The following ST3GAL1 variants were observed in gnomAD, a reference collection of about 807,000 sequenced individuals.
The protein encoded by ST3GAL1 is ST3 beta-galactoside alpha-2,3-sialyltransferase 1.
ST3GAL1 carries 16 observed loss-of-function variants against 34.1 expected under a neutral mutation model. The observed-to-expected ratio is 0.47, with a 90% CI of 0.32 to 0.71. ST3GAL1 has a LOEUF of 0.71. Among genes scored for constraint, ST3GAL1 ranks in the 30% least tolerant of loss-of-function variants. The pLI is 0.04. For missense variants in ST3GAL1, 353 were observed against 447.4 expected (o/e 0.79, Z 1.90); for synonymous variants, 191 against 184.7 (o/e 1.03, Z -0.28).
chr8:133,484,021 C>T (rs766104405), intron 3 of ST3GAL1, among the ~76,000 whole-genome samples: 3 of 152,228 alleles, frequency 2.0e-5, no homozygotes, highest in Non-Finnish European at 2.9e-5. Context: ...CACCTCACAA[C>T]CTCCGACTGC....
chr8:133,528,997 T>C (rs751374080), intron 2 of ST3GAL1, among the ~76,000 whole-genome samples: 1 of 152,234 alleles, frequency 6.6e-6, no homozygotes, highest in African/African-American at 2.4e-5. Context: ...AATCAGCCTG[T>C]GCTAAGACAC....
At position 133,570,177 on chromosome 8, in the gene ST3GAL1, C is replaced by G. The variant is rs1213901064; in HGVS notation, c.-582+1516G>C. ...GTCTCTTCCTCTCACCACACACACC[C>G]AGCCGCAGAGCGGGGGTGGGCGCTC... is the stretch of plus-strand genomic sequence containing the variant. On this transcript the variant is annotated intron_variant, in intron 1 of 9. Transcript: ENST00000522652. The surrounding 1 kb of genome is among the most constrained non-coding windows in gnomAD (Gnocchi z 5.6). 1 of 152,278 alleles carries G rather than the reference C, an allele frequency of 6.6e-6. No individual in the cohort carries two copies. Among genetic ancestry groups the G allele is most frequent in the Non-Finnish European group, 1.5e-5 (1 of 68,070 alleles). 9.4% of individuals were successfully genotyped at this position (152,278 alleles called of 1,614,324 possible).
chr8:133,515,620 C>T (rs1286056608), intron 2 of ST3GAL1: 4 of 152,120 alleles, frequency 2.6e-5, no homozygotes, highest in Admixed American at 2.6e-4. Context: ...CTTACTATTA[C>T]CCTTACCATG....
At chr8:133,538,291 G>A (rs1437627086) in intron 2 of ST3GAL1, among the ~76,000 whole-genome samples, 1 of 152,212 alleles carries the variant, frequency 6.6e-6, no homozygotes, top group African/African-American at 2.4e-5. Flanking sequence ...AAGGTGGGGG[G>A]ATCACCTGAG....
rs529569509 is a variant in ST3GAL1 at position 133,506,310 on chromosome 8, T to C, written c.-428-7121A>G. On this transcript the variant is annotated intron_variant, in intron 2 of 9. Transcript: ENST00000522652. ...AACAGGACTGACCTGATGGGGTCCT[T>C]GTGAGGCTCACACAAGACAACACGT... 4.7e-4 allele frequency among the ~76,000 whole-genome samples: 71 copies of C among 152,338 alleles called. 1 individual carries two copies. The South Asian group carries it at 0.013, about 29-fold the overall frequency.
intron 3 of ST3GAL1, among the ~76,000 whole-genome samples, chr8:133,482,034 C>A (rs781260977): frequency 6.6e-6 from 1 of 152,020 alleles, no homozygotes; most frequent in Non-Finnish European, 1.5e-5. Flanking sequence ...CCCCACCTTG[C>A]GAGACTGCCA....
chr8:133,465,033 G>T, intron 6 of ST3GAL1, 76 bp from the exon 7 acceptor site: 1 of 1,481,986 alleles, frequency 6.7e-7, no homozygotes. Context: ...CTCCGAGAGA[G>T]TGAGCCTCCA....
In ST3GAL1 at chr8:133,466,232, G is replaced by C; in HGVS notation, c.307-142C>G. On this transcript the variant is annotated intron_variant, in intron 5 of 9. Coordinates refer to ENST00000522652, the MANE Select transcript of ST3GAL1 (RefSeq NM_173344.3). The surrounding 1 kb of genome is among the most constrained non-coding windows in gnomAD (Gnocchi z 4.4). Reference sequence around the variant, plus strand: ...TGCTGGGCCCCCGGAGATGGAGGCGGCTCACACACAGACACCTCCACTTCC... The same window carrying C: ...TGCTGGGCCCCCGGAGATGGAGGCGCCTCACACACAGACACCTCCACTTCC... The C allele has an allele frequency of 5.2e-6, 4 of 765,814 alleles. No individual in the cohort carries two copies. The highest frequency in any genetic ancestry group is 6.2e-6 in the Non-Finnish European group (3 of 482,940). 47.4% of individuals were successfully genotyped at this position (765,814 alleles called of 1,614,324 possible).
intron 3 of ST3GAL1, among the ~76,000 whole-genome samples, chr8:133,490,564 C>T (rs1816755014): frequency 6.6e-6 from 1 of 152,044 alleles, no homozygotes; most frequent in African/African-American, 2.4e-5. Context: ...AGGCAGGTGG[C>T]CATGGAGACA....
intron 3 of ST3GAL1, among the ~76,000 whole-genome samples, chr8:133,494,793 T>C (rs557527726): frequency 6.6e-6 from 1 of 152,304 alleles, no homozygotes; most frequent in East Asian, 1.9e-4. Context: ...CAGAATGCTC[T>C]TCCCACAGGT....
At chr8:133,498,646 C>G (rs758508326) in intron 3 of ST3GAL1, among the ~76,000 whole-genome samples, 1 of 152,234 alleles carries the variant, frequency 6.6e-6, no homozygotes, top group Non-Finnish European at 1.5e-5. Flanking sequence ...ACAAACCACA[C>G]GGTGTAACTA....
At chr8:133,536,666 A>C (rs1381656236) in intron 2 of ST3GAL1, among the ~76,000 whole-genome samples, 1 of 152,076 alleles carries the variant, frequency 6.6e-6, no homozygotes, top group African/African-American at 2.4e-5. Flanking sequence ...CCCATTTATC[A>C]CGGGCTCAGT....
At chr8:133,541,082 C>CATATATATATAAACATATATATATATAT (rs1818503645) in intron 2 of ST3GAL1, among the ~76,000 whole-genome samples, 1 of 48,714 alleles carries the variant, frequency 2.1e-5, no homozygotes, top group African/African-American at 8.4e-5. Context: ...TATATATAGA[C>CATATATATATAAACATATATATATATAT]ATATATATAT....
At chr8:133,475,462 T>A (rs1816132109) in intron 5 of ST3GAL1, among the ~76,000 whole-genome samples, 1 of 152,212 alleles carries the variant, frequency 6.6e-6, no homozygotes, top group Non-Finnish European at 1.5e-5. Context: ...TTAGATATAA[T>A]AGATCCTCAA....
In ST3GAL1 at chr8:133,476,049, C is replaced by G; in HGVS notation, c.-25G>C. 6.5e-7 allele frequency: 1 copy of G among 1,533,208 alleles called. No individual in the cohort carries two copies. Among genetic ancestry groups the G allele is most frequent in the East Asian group, 2.3e-5 (1 of 43,652 alleles). 95.0% of individuals were successfully genotyped at this position (1,533,208 alleles called of 1,614,324 possible). A position where few individuals can be genotyped will look rare whatever the true frequency, so the allele number is the denominator to read the frequency against. ...TCTTCGCAGTCCTGATGGTGGCCTC[C>G]CACGATGGGTAGCAGGAACTCCCTC... On this transcript the variant is annotated 5_prime_UTR_variant, in exon 5 of 10. Coordinates refer to ENST00000522652, the MANE Select transcript of ST3GAL1 (RefSeq NM_173344.3).
chr8:133,463,952 T>C (rs934933683), intron 7 of ST3GAL1, among the ~76,000 whole-genome samples: 8 of 151,106 alleles, frequency 5.3e-5, no homozygotes, highest in Non-Finnish European at 8.9e-5. Flanking sequence ...TGGACCTGGG[T>C]CCCACCCCAC....
At chr8:133,501,470 C>T (rs1432458874) in intron 2 of ST3GAL1, among the ~76,000 whole-genome samples, 8 of 151,902 alleles carry the variant, frequency 5.3e-5, no homozygotes, top group Admixed American at 1.3e-4. Flanking sequence ...TCTCTCTGGC[C>T]GGGTGCAGTG....
chr8:133,528,175 A>ATT lies in ST3GAL1; in HGVS notation c.-429+17598_-429+17599insAA, dbSNP rs560561691. Among the ~76,000 whole-genome samples the ATT allele has an allele frequency of 1.2e-4, 18 of 152,200 alleles. No homozygotes were observed. The East Asian group carries it at 3.3e-3, about 28-fold the overall frequency. ...GGTGACAGAGCGAGACTCTGTCTCA[A>ATT]ATAAAAGAAAAAAAAAATTACCCAG... On this transcript the variant is annotated intron_variant, in intron 2 of 9. Transcript: ENST00000522652.
At chr8:133,536,223 G>C (rs975958030) in intron 2 of ST3GAL1, among the ~76,000 whole-genome samples, 3 of 152,142 alleles carry the variant, frequency 2.0e-5, no homozygotes, top group African/African-American at 7.2e-5. Context: ...CATGAGGCTG[G>C]GGGTCTTGAT....
Sources: allele counts gnomAD v4.1 joint callset (sites outside exome capture counted in the v4.1 genomes callset), GRCh38; gene constraint gnomAD v4.1.1; non-coding constraint Gnocchi (gnomAD v3.1); transcripts MANE v1.5; gene names NCBI Gene and HGNC (gene_info 2026-07-23, HGNC 2026-07-21).